FAM219A: variants seen among roughly 807,000 people sequenced by gnomAD.
FAM219A encodes the protein protein FAM219A.
FAM219A carries 7 observed loss-of-function variants against 23.4 expected under a neutral mutation model. That is an observed-to-expected ratio of 0.30 (90% CI 0.17 to 0.56). The LOEUF is 0.56. Among genes scored for constraint, FAM219A ranks in the 20% least tolerant of loss-of-function variants. The pLI, the probability that FAM219A is intolerant of heterozygous loss-of-function variation, is 0.92. For missense variants in FAM219A, 166 were observed against 246.9 expected (o/e 0.67, Z 2.20); for synonymous variants, 93 against 99.0 (o/e 0.94, Z 0.36).
intron 1 of FAM219A, among the ~76,000 whole-genome samples, chr9:34,442,757 C>T (rs774443644): frequency 6.6e-6 from 1 of 151,416 alleles, no homozygotes; most frequent in Non-Finnish European, 1.5e-5. Context: ...ACCAACCAAC[C>T]AATTTTTAAG....
chr9:34,406,888 C>T (rs533280127), intron 1 of FAM219A, among the ~76,000 whole-genome samples: 3 of 151,578 alleles, frequency 2.0e-5, no homozygotes, highest in South Asian at 2.1e-4. Context: ...CTGCAACCTC[C>T]GCCTCCCGGT....
rs925562094 is a variant in FAM219A, at chr9:34,458,501, G to A, written c.-238C>T. The A allele has an allele frequency of 1.6e-5, 6 of 375,892 alleles. No homozygotes were observed. The Admixed American group carries it at 2.1e-4, about 13-fold the overall frequency. 23.3% of individuals were successfully genotyped at this position (375,892 alleles called of 1,614,324 possible). The stretch of plus-strand genomic sequence containing the variant: ...ACTACCGCGGCTGTGGCCGGGCCGA[G>A]CCGCAGGTCTTGCCTCGCCTCCTAC... On this transcript the variant is annotated 5_prime_UTR_variant, in exon 1 of 6. Transcript: ENST00000651358. The surrounding 1 kb of genome is among the most constrained non-coding windows in gnomAD (Gnocchi z 6.6).
chr9:34,430,520 C>T (rs1472395698), intron 1 of FAM219A, among the ~76,000 whole-genome samples: 2 of 150,632 alleles, frequency 1.3e-5, no homozygotes, highest in African/African-American at 2.5e-5. Context: ...GCTTGTAGTC[C>T]CAGCTACTCA....
chr9:34,418,861 G>A (rs1332849275), intron 1 of FAM219A, among the ~76,000 whole-genome samples: 1 of 152,164 alleles, frequency 6.6e-6, no homozygotes, highest in Non-Finnish European at 1.5e-5. Flanking sequence ...CTTGAGGCCA[G>A]GAGTTTGAGA....
chr9:34,406,548 A>T (rs1330079124), intron 1 of FAM219A: 1 of 929,860 alleles, frequency 1.1e-6, no homozygotes, highest in African/African-American at 1.8e-5. Flanking sequence ...AATGACACCT[A>T]AAGAGTGTCT....
chr9:34,432,423 TG>T (rs1822749997), intron 1 of FAM219A, among the ~76,000 whole-genome samples: 1 of 152,222 alleles, frequency 6.6e-6, no homozygotes, highest in Non-Finnish European at 1.5e-5. Flanking sequence ...TCTACCACCT[TG>T]GGCATCACTG....
intron 1 of FAM219A, among the ~76,000 whole-genome samples, chr9:34,434,828 CT>C (rs869206213): frequency 1.5e-5 from 2 of 130,436 alleles, no homozygotes; most frequent in Admixed American, 1.6e-4. Flanking sequence ...TTCTTTCTTT[CT>C]TTTTTTTTGA....
Position 34,398,360 on chromosome 9 carries a change from A to G in FAM219A, c.*2604T>C. 6.4e-7 allele frequency: 1 copy of G among 1,550,612 alleles called. No individual in the cohort carries two copies. The highest frequency in any genetic ancestry group is 8.7e-7 in the Non-Finnish European group (1 of 1,146,874). ...AGAAACCTGGCTGGGTGGCAGCCAC[A>G]GCTGAGAGAGGAGGGAGTGTTAAGG... On this transcript the variant is annotated 3_prime_UTR_variant, in exon 6 of 6. Coordinates refer to ENST00000651358, the MANE Select transcript of FAM219A (RefSeq NM_001184940.2).
intron 1 of FAM219A, among the ~76,000 whole-genome samples, chr9:34,439,950 T>G (rs1233719274): frequency 2.0e-5 from 3 of 152,162 alleles, no homozygotes; most frequent in Non-Finnish European, 4.4e-5. Context: ...ATAAAAGGGA[T>G]AGGGCTTCAC....
In FAM219A at chr9:34,458,409, G is replaced by A. The variant is rs552875148; in HGVS notation, c.-146C>T. The A allele has an allele frequency of 9.6e-6, 4 of 418,286 alleles. No individual in the cohort carries two copies. The South Asian group carries it at 3.3e-4, about 35-fold the overall frequency. The allele number at this position is 418,286 out of a possible 1,614,324, so 25.9% of individuals were successfully genotyped here. ...GGCGGGCAGGGGCCGGGCGGATGCA[G>A]GGGTGGGCGGGGGCGAGAGGTTCGC... On this transcript the variant is annotated 5_prime_UTR_variant, in exon 1 of 6. Transcript: ENST00000651358. This position sits in a 1 kb window ranked among gnomAD's most constrained non-coding sequence, Gnocchi z 6.6.
chr9:34,420,278 T>A (rs1284540497), intron 1 of FAM219A, among the ~76,000 whole-genome samples: 1 of 152,124 alleles, frequency 6.6e-6, no homozygotes, highest in Admixed American at 6.5e-5. Context: ...GAGGCAGGAA[T>A]GCATGGAGGG....
intron 1 of FAM219A, among the ~76,000 whole-genome samples, chr9:34,412,540 G>T (rs767642151): frequency 6.6e-6 from 1 of 151,744 alleles, no homozygotes; most frequent in Admixed American, 6.6e-5. Context: ...TCAGAAAATG[G>T]GTGTGGGCTG....
chr9:34,418,322 C>T (rs965113762), intron 1 of FAM219A, among the ~76,000 whole-genome samples: 1 of 152,156 alleles, frequency 6.6e-6, no homozygotes, highest in Non-Finnish European at 1.5e-5. Context: ...ATGTCTTAGA[C>T]TGATGTTCTG....
chr9:34,413,706 T>C (rs1218733473), intron 1 of FAM219A, among the ~76,000 whole-genome samples: 1 of 152,242 alleles, frequency 6.6e-6, no homozygotes, highest in Admixed American at 6.5e-5. Context: ...TGGAGAATGC[T>C]GGAAGGCTAC....
intron 1 of FAM219A, among the ~76,000 whole-genome samples, chr9:34,423,500 C>T (rs4590517): frequency 0.15 from 23,045 of 152,056 alleles, 1,901 homozygotes; most frequent in African/African-American, 0.21. Context: ...TGTTAGGGGA[C>T]GAAGTGGCAG....
intron 1 of FAM219A, among the ~76,000 whole-genome samples, chr9:34,409,875 A>T (rs1225740857): frequency 6.6e-6 from 1 of 152,224 alleles, no homozygotes; most frequent in Admixed American, 6.5e-5. Context: ...TCTATTTTTT[A>T]AAAAAGGTTG....
Position 34,425,087 on chromosome 9 carries a change from G to A in FAM219A, c.61-19123C>T, listed in dbSNP as rs372650865. Reference sequence around the variant, plus strand: ...CCCAAAGTGCTGGAATTACAGGCATGAGCCACCGCGCCCAGCCCTTTCTCA... The same window carrying A: ...CCCAAAGTGCTGGAATTACAGGCATAAGCCACCGCGCCCAGCCCTTTCTCA... On this transcript the variant is annotated intron_variant, in intron 1 of 5. Transcript: ENST00000651358. Among the ~76,000 whole-genome samples the A allele has an allele frequency of 1.6e-4, 24 of 152,232 alleles. No individual in the cohort carries two copies. In the East Asian group the frequency reaches 3.3e-3, roughly 21 times the overall value.
rs572044800 is a variant in FAM219A, at chr9:34,445,025, GA to G, written c.60+13178del. 5.9e-5 allele frequency among the ~76,000 whole-genome samples: 9 copies of G among 152,254 alleles called. No individual in the cohort carries two copies. In the South Asian group the frequency reaches 1.5e-3, roughly 25 times the overall value. Reference sequence around the variant, plus strand: ...AGCAGATGCTCAAAAGATGTTATTTGAATAATGAATGAATGTCCCATCCCTG... The same window carrying G: ...AGCAGATGCTCAAAAGATGTTATTTGATAATGAATGAATGTCCCATCCCTG... On this transcript the variant is annotated intron_variant, in intron 1 of 5. Coordinates refer to ENST00000651358, the MANE Select transcript of FAM219A (RefSeq NM_001184940.2).
chr9:34,420,205 T>A (rs1822212218), intron 1 of FAM219A, among the ~76,000 whole-genome samples: 1 of 152,102 alleles, frequency 6.6e-6, no homozygotes, highest in African/African-American at 2.4e-5. Flanking sequence ...CCAAGAAGAA[T>A]TTAAAAGTGC....
Sources: gnomAD v4.1 joint callset for allele counts (sites outside exome capture counted in the v4.1 genomes callset) on GRCh38, gnomAD v4.1.1 for gene constraint, Gnocchi (gnomAD v3.1) non-coding constraint, MANE v1.5 for transcripts, NCBI Gene and HGNC (gene_info 2026-07-23, HGNC 2026-07-21) for gene names.